Variants in LITAF observed in about 807,000 individuals in gnomAD.
The protein encoded by LITAF is lipopolysaccharide induced TNF factor.
A neutral mutation model predicts 14.5 loss-of-function variants in LITAF; 9 were observed. That is an observed-to-expected ratio of 0.62 (90% CI 0.37 to 1.08). The LOEUF (loss-of-function observed/expected upper bound fraction) is 1.08. Ranked by LOEUF, LITAF falls within the 50% of genes least tolerant of loss-of-function variation. The pLI, the probability that LITAF is intolerant of heterozygous loss-of-function variation, is 0.01. For synonymous variants in LITAF, 98 were observed against 88.2 expected (o/e 1.11, Z -0.62); for missense variants, 206 against 213.4 (o/e 0.97, Z 0.22).
At chr16:11,568,469 A>G (rs2064490831) in intron 1 of LITAF, among the ~76,000 whole-genome samples, 1 of 151,998 alleles carries the variant, frequency 6.6e-6, no homozygotes, top group Non-Finnish European at 1.5e-5. Context: ...AATGGGGACA[A>G]GGTGTCATCC....
At chr16:11,602,956 A>C (rs1567260341), upstream of LITAF, among the ~76,000 whole-genome samples, 2 of 151,862 alleles carry the variant, frequency 1.3e-5, no homozygotes, top group African/African-American at 4.8e-5. Flanking sequence ...ACAAAAAAAT[A>C]ACAAAAAATT....
At chr16:11,579,256 C>T (rs1201244874) in intron 1 of LITAF, among the ~76,000 whole-genome samples, 2 of 151,728 alleles carry the variant, frequency 1.3e-5, no homozygotes, top group Non-Finnish European at 2.9e-5. Context: ...TCGAGACCAT[C>T]CTGGCTAACA....
At chr16:11,557,146 G>C (rs2064286806) in intron 1 of LITAF, among the ~76,000 whole-genome samples, 1 of 151,596 alleles carries the variant, frequency 6.6e-6, no homozygotes, top group South Asian at 2.1e-4. Flanking sequence ...TAACGGAAAA[G>C]ATAAAGGCAT....
intron 1 of LITAF, among the ~76,000 whole-genome samples, chr16:11,576,649 T>C (rs1045133898): frequency 4.7e-5 from 7 of 150,192 alleles, no homozygotes; most frequent in African/African-American, 1.7e-4. Flanking sequence ...CAGTCCAACA[T>C]GGGGCTGATG....
intron 3 of LITAF, among the ~76,000 whole-genome samples, chr16:11,625,684 G>C (rs774103892): frequency 6.6e-6 from 1 of 152,160 alleles, no homozygotes; most frequent in African/African-American, 2.4e-5. Context: ...GGAATGCAGT[G>C]ACAGAAATCA....
At chr16:11,588,095 C>T (rs969674159), upstream of LITAF, among the ~76,000 whole-genome samples, 1 of 152,174 alleles carries the variant, frequency 6.6e-6, no homozygotes, top group Non-Finnish European at 1.5e-5. Context: ...ACGGGCCACC[C>T]TCAGCCGTGG....
intron 3 of LITAF, among the ~76,000 whole-genome samples, chr16:11,621,276 C>G (rs1318121378): frequency 2.6e-5 from 4 of 152,198 alleles, no homozygotes; most frequent in African/African-American, 9.6e-5. Flanking sequence ...GTTGGTCAGG[C>G]TGGTCTCGAA....
chr16:11,576,010 A>G (rs2064626731), intron 1 of LITAF, among the ~76,000 whole-genome samples: 3 of 152,112 alleles, frequency 2.0e-5, no homozygotes, highest in Non-Finnish European at 4.4e-5. Flanking sequence ...CCTCTCGACC[A>G]GCTGGGACTC....
chr16:11,563,581 T>C (rs1462984033), intron 1 of LITAF, among the ~76,000 whole-genome samples: 5 of 152,136 alleles, frequency 3.3e-5, no homozygotes, highest in Non-Finnish European at 7.4e-5. Flanking sequence ...CTGTGCACTT[T>C]TATGCCACAT....
intron 3 of LITAF, among the ~76,000 whole-genome samples, chr16:11,618,262 G>T (rs983596071): frequency 6.6e-6 from 1 of 152,144 alleles, no homozygotes; most frequent in African/African-American, 2.4e-5. Context: ...GAGACATTCC[G>T]TTCTGCCACT....
chr16:11,596,631 G>A, intron 1 of LITAF, among the ~76,000 whole-genome samples: 1 of 68,064 alleles, frequency 1.5e-5, no homozygotes, highest in Non-Finnish European at 3.0e-5. Flanking sequence ...GGAGGAGAGA[G>A]GAGGGGAAAA....
chr16:11,556,793 T>C (rs1211528364), intron 1 of LITAF, 58 bp from the exon 2 acceptor site: 1 of 1,382,990 alleles, frequency 7.2e-7, no homozygotes, highest in Non-Finnish European at 1.0e-6. Flanking sequence ...CCCTCTCTTT[T>C]TCACCTAAGT....
intron 1 of LITAF, among the ~76,000 whole-genome samples, chr16:11,560,427 A>G (rs2064343461): frequency 6.6e-6 from 1 of 152,100 alleles, no homozygotes; most frequent in African/African-American, 2.4e-5. Flanking sequence ...CCTGGCCAAC[A>G]TGGTGAAACC....
At chr16:11,587,912 G>C (rs1055176645), upstream of LITAF, among the ~76,000 whole-genome samples, 2 of 152,118 alleles carry the variant, frequency 1.3e-5, no homozygotes, top group African/African-American at 2.4e-5. Flanking sequence ...GGGAGCTTCC[G>C]AGCCCCATGC....
At chr16:11,606,147 T>C (rs534039085) in intron 3 of LITAF, among the ~76,000 whole-genome samples, 206 of 152,274 alleles carry the variant, frequency 1.4e-3, no homozygotes, top group African/African-American at 4.7e-3. Flanking sequence ...TGGTTCCCTC[T>C]GCCCCTGGAT....
intron 3 of LITAF, among the ~76,000 whole-genome samples, chr16:11,610,637 T>C (rs919253947): frequency 3.3e-5 from 5 of 151,916 alleles, no homozygotes; most frequent in African/African-American, 1.2e-4. Flanking sequence ...GAGCAGTAAA[T>C]AAGAGGAAAA....
At chr16:11,570,978 A>T (rs1464681840) in intron 1 of LITAF, among the ~76,000 whole-genome samples, 2 of 152,106 alleles carry the variant, frequency 1.3e-5, no homozygotes, top group African/African-American at 4.8e-5. Flanking sequence ...GCCATAAATT[A>T]AGAAATGCAG....
chr16:11,550,344 C>T (rs1401948258), intron 3 of LITAF, among the ~76,000 whole-genome samples: 1 of 152,182 alleles, frequency 6.6e-6, no homozygotes, highest in Non-Finnish European at 1.5e-5. Flanking sequence ...CCCGCCTTGG[C>T]CTCCCCAAGT....
At chr16:11,616,815 G>A (rs1224518536) in intron 3 of LITAF, among the ~76,000 whole-genome samples, 1 of 151,446 alleles carries the variant, frequency 6.6e-6, no homozygotes, top group Non-Finnish European at 1.5e-5. Context: ...AGGAGGCTGA[G>A]GCAGGAGGAT....
Sources: gnomAD v4.1 joint callset for allele counts (sites outside exome capture counted in the v4.1 genomes callset) on GRCh38, gnomAD v4.1.1 for gene constraint, MANE v1.5 for transcripts, NCBI Gene and HGNC (gene_info 2026-07-23, HGNC 2026-07-21) for gene names.